PTPRQ: variants seen among roughly 807,000 people sequenced by gnomAD.
The protein encoded by PTPRQ is phosphatidylinositol phosphatase PTPRQ.
A neutral mutation model predicts 246.0 loss-of-function variants in PTPRQ; 199 were observed. The ratio of observed to expected loss-of-function variants is 0.81; its 90% CI spans 0.72 to 0.91. The LOEUF is 0.91. Ranked by LOEUF, PTPRQ falls within the 40% of genes least tolerant of loss-of-function variation. The probability of loss-of-function intolerance (pLI) is 0.00; values close to 1 mark genes in which losing one functional copy is unlikely to be tolerated. For missense variants in PTPRQ, 2,624 were observed against 2,528.4 expected (o/e 1.04, Z -0.81); for synonymous variants, 869 against 853.2 (o/e 1.02, Z -0.32).
chr12:80,654,141 G>A (rs1350974388), intron 38 of PTPRQ, among the ~76,000 whole-genome samples: 1 of 148,244 alleles, frequency 6.7e-6, no homozygotes, highest in East Asian at 2.0e-4. Context: ...TGTTGTCCAG[G>A]CTGGAGTGCG....
chr12:80,654,941 G>A (rs1170837359), intron 38 of PTPRQ, among the ~76,000 whole-genome samples: 1 of 151,952 alleles, frequency 6.6e-6, no homozygotes, highest in Non-Finnish European at 1.5e-5. Flanking sequence ...TTACTTCCAA[G>A]GAGTGTCTAA....
Position 80,541,663 on chromosome 12 carries a change from T to A in PTPRQ, c.3263T>A (p.Val1088Asp). The part of the protein sequence containing the change: ...AQPNGLVFYY[V>D]SLILQQTPRH... ...CCAAACGGTCTAGTCTTCTACTATG[T>A]TTCACTGATCTTACAGCAGACTCCT... Residue 1088 changes from valine (V) to aspartate (D), a missense_variant, in exon 21 of 45, where the codon GTT becomes GAT. Val to Asp is a radical substitution (Grantham distance 152, BLOSUM62 -3). Coordinates refer to ENST00000644991, the MANE Select transcript of PTPRQ (RefSeq NM_001145026.2). The A allele has an allele frequency of 6.4e-7, 1 of 1,551,258 alleles. No homozygotes were observed. Among genetic ancestry groups the A allele is most frequent in the South Asian group, 1.2e-5 (1 of 84,026 alleles).
intron 39 of PTPRQ, among the ~76,000 whole-genome samples, chr12:80,667,902 G>A (rs2121277655): frequency 6.6e-6 from 1 of 152,012 alleles, no homozygotes; most frequent in South Asian, 2.1e-4. Flanking sequence ...GTGTATTTAA[G>A]AGAATCAAGA....
chr12:80,665,493 T>C (rs1028140278), intron 39 of PTPRQ, among the ~76,000 whole-genome samples: 1 of 152,038 alleles, frequency 6.6e-6, no homozygotes, highest in African/African-American at 2.4e-5. Context: ...GAATATCTAA[T>C]AGTGATTTCA....
intron 3 of PTPRQ, among the ~76,000 whole-genome samples, chr12:80,450,466 G>C (rs1423852534): frequency 6.6e-6 from 1 of 152,180 alleles, no homozygotes; most frequent in African/African-American, 2.4e-5. Flanking sequence ...AGTTTTCAAA[G>C]GGAATGCTTC....
At chr12:80,596,713 G>A (rs376134024) in intron 26 of PTPRQ, among the ~76,000 whole-genome samples, 1 of 151,850 alleles carries the variant, frequency 6.6e-6, no homozygotes, top group Admixed American at 6.6e-5. Context: ...TTAGGCCCTA[G>A]GTCAGCAAAA....
At chr12:80,641,851 T>TTCTCTCTCTCTCAC (rs1305267036) in intron 35 of PTPRQ, among the ~76,000 whole-genome samples, 14 of 149,944 alleles carry the variant, frequency 9.3e-5, no homozygotes, top group African/African-American at 2.9e-4. Context: ...CCTTCTCTCT[T>TTCTCTCTCTCTCAC]TCTCTCTCTC....
At chr12:80,466,228 C>A (rs1456024970) in intron 6 of PTPRQ, among the ~76,000 whole-genome samples, 1 of 152,042 alleles carries the variant, frequency 6.6e-6, no homozygotes, top group African/African-American at 2.4e-5. Flanking sequence ...AAACAGAGAG[C>A]CAAATCATGA....
chr12:80,657,482 A>C (rs1020747004), intron 38 of PTPRQ, among the ~76,000 whole-genome samples: 9 of 151,788 alleles, frequency 5.9e-5, no homozygotes, highest in Non-Finnish European at 1.2e-4. Flanking sequence ...TGCTGGTAGT[A>C]TATTCTACAA....
At chr12:80,560,482 A>G (rs1408195448) in intron 25 of PTPRQ, among the ~76,000 whole-genome samples, 3 of 152,216 alleles carry the variant, frequency 2.0e-5, no homozygotes, top group Non-Finnish European at 4.4e-5. Flanking sequence ...GTGTTTAACA[A>G]TAATACCTGG....
Position 80,539,887 on chromosome 12 carries a change from T to C in PTPRQ, c.3097T>C (p.Ser1033Pro). Residue 1033 changes from serine to proline, a missense_variant, in exon 20 of 45, where the codon TCA becomes CCA. Physicochemically the swap from Ser to Pro is moderately conservative, Grantham distance 74. Transcript: ENST00000644991. The stretch of plus-strand genomic sequence containing the variant: ...TACATTTTGGTTAACAGCAAGTACT[T>C]CAGTTGGAAATGGGAATAAAAGCAG... ...YYTFWLTAST[S>P]VGNGNKSSDI... 6.5e-7 allele frequency: 1 copy of C among 1,549,182 alleles called. No individual in the cohort carries two copies. The highest frequency in any genetic ancestry group is 1.2e-5 in the South Asian group (1 of 83,756).
chr12:80,654,082 C>CTTTCT (rs1483638130), intron 38 of PTPRQ, among the ~76,000 whole-genome samples: 1 of 140,436 alleles, frequency 7.1e-6, no homozygotes, highest in Non-Finnish European at 1.6e-5. Flanking sequence ...ATCTCTCTTC[C>CTTTCT]TTTCTTTTCT....
chr12:80,588,668 A>G (rs756480882), intron 26 of PTPRQ, among the ~76,000 whole-genome samples: 32 of 152,230 alleles, frequency 2.1e-4, no homozygotes, highest in Non-Finnish European at 4.3e-4. Flanking sequence ...TCAAACTCCC[A>G]AAGTTGTGCC....
chr12:80,452,416 G>A (rs1892796586), intron 3 of PTPRQ, among the ~76,000 whole-genome samples: 2 of 152,142 alleles, frequency 1.3e-5, no homozygotes, highest in Admixed American at 1.3e-4. Flanking sequence ...TATGATGTTA[G>A]CTGGTTTATT....
At chr12:80,456,505 G>C (rs1227741141) in intron 3 of PTPRQ, among the ~76,000 whole-genome samples, 1 of 152,086 alleles carries the variant, frequency 6.6e-6, no homozygotes, top group Non-Finnish European at 1.5e-5. Context: ...TGCTATTGGG[G>C]ATAATTAAAA....
intron 39 of PTPRQ, among the ~76,000 whole-genome samples, chr12:80,667,732 A>G (rs141364905): frequency 7.6e-4 from 115 of 152,072 alleles, no homozygotes; most frequent in African/African-American, 2.7e-3. Context: ...GGATAGTGGG[A>G]TTACAGGTGA....
intron 35 of PTPRQ, among the ~76,000 whole-genome samples, chr12:80,639,666 TTAC>T (rs1432962496): frequency 6.6e-6 from 1 of 152,216 alleles, no homozygotes; most frequent in African/African-American, 2.4e-5. Context: ...TTCAGGAAGA[TTAC>T]TGCTTAAAAA....
chr12:80,616,575 A>C (rs1898771057), intron 30 of PTPRQ, among the ~76,000 whole-genome samples: 1 of 151,212 alleles, frequency 6.6e-6, no homozygotes, highest in Admixed American at 6.6e-5. Context: ...AATGTTATCG[A>C]AAAGAAAGTG....
Position 80,652,913 on chromosome 12 carries a change from T to C in PTPRQ, c.6115+79T>C, listed in dbSNP as rs966421843. On this transcript the variant is annotated intron_variant, in intron 38 of 44. Transcript: ENST00000644991. ...CATCTTAACTTTTTTGTTTCCTTAATATATTTTATTTTATATTGTTTGAAT... is the reference window on the plus strand; with the variant it reads ...CATCTTAACTTTTTTGTTTCCTTAACATATTTTATTTTATATTGTTTGAAT... 55 of 1,340,896 alleles carry C rather than the reference T, an allele frequency of 4.1e-5. No individual in the cohort carries two copies. In the African/African-American group the frequency reaches 7.2e-4, roughly 18 times the overall value. The allele number at this position is 1,340,896 out of a possible 1,614,324, so 83.1% of individuals were successfully genotyped here. A position where few individuals can be genotyped will look rare whatever the true frequency, so the allele number is the denominator to read the frequency against.
Sources: gnomAD v4.1 joint callset for allele counts (sites outside exome capture counted in the v4.1 genomes callset) on GRCh38, gnomAD v4.1.1 for gene constraint, MANE v1.5 for transcripts, NCBI Gene and HGNC (gene_info 2026-07-23, HGNC 2026-07-21) for gene names.